Variants in MAP3K5 observed in about 807,000 individuals in gnomAD.
MAP3K5 encodes the protein mitogen-activated protein kinase kinase kinase 5.
MAP3K5 carries 56 observed loss-of-function variants against 158.7 expected under a neutral mutation model. That is an observed-to-expected ratio of 0.35 (90% CI 0.28 to 0.44). The LOEUF (loss-of-function observed/expected upper bound fraction) is 0.44, where lower values mean the gene tolerates loss of function less well. Ranked by LOEUF, MAP3K5 falls within the 20% of genes least tolerant of loss-of-function variation. The pLI is 1.00. For missense variants in MAP3K5, 1,294 were observed against 1,674.8 expected (o/e 0.77, Z 3.97); for synonymous variants, 579 against 601.7 (o/e 0.96, Z 0.55).
intron 1 of MAP3K5, among the ~76,000 whole-genome samples, chr6:136,761,678 A>G (rs1783765323): frequency 6.6e-6 from 1 of 152,210 alleles, no homozygotes; most frequent in Non-Finnish European, 1.5e-5. Context: ...GGGCCTTGTG[A>G]GAGGGGCTGC....
intron 1 of MAP3K5, among the ~76,000 whole-genome samples, chr6:136,734,751 T>C (rs1168907021): frequency 6.6e-6 from 1 of 152,204 alleles, no homozygotes; most frequent in Admixed American, 6.5e-5. Flanking sequence ...TTAGTTTTAA[T>C]TAAACCATCA....
At chr6:136,776,564 C>A (rs531951511) in intron 1 of MAP3K5, among the ~76,000 whole-genome samples, 1 of 152,256 alleles carries the variant, frequency 6.6e-6, no homozygotes, top group East Asian at 1.9e-4. Flanking sequence ...GTTTAATCTT[C>A]TTAAAGATTT....
At chr6:136,778,089 T>C (rs906851364) in intron 1 of MAP3K5, among the ~76,000 whole-genome samples, 1 of 152,200 alleles carries the variant, frequency 6.6e-6, no homozygotes, top group Non-Finnish European at 1.5e-5. Context: ...CTTATTTGTT[T>C]CCCTAAGAGT....
chr6:136,772,102 G>A (rs111549688), intron 1 of MAP3K5, among the ~76,000 whole-genome samples: 2 of 143,774 alleles, frequency 1.4e-5, no homozygotes, highest in East Asian at 4.4e-4. Context: ...TAGAAATGGG[G>A]GGGGGGGGTT....
At chr6:136,730,905 T>C (rs1010079820) in intron 1 of MAP3K5, among the ~76,000 whole-genome samples, 3 of 152,116 alleles carry the variant, frequency 2.0e-5, no homozygotes, top group Non-Finnish European at 4.4e-5. Flanking sequence ...TTCATAGCCA[T>C]ACTATTTGTA....
At chr6:136,669,147 TAA>T in intron 8 of MAP3K5, 134 bp downstream of exon 8, 1 of 684,844 alleles carries the variant, frequency 1.5e-6, no homozygotes, top group Admixed American at 2.6e-5. Flanking sequence ...CAAGGAGATA[TAA>T]TAAGTTTCTT....
At chr6:136,744,359 G>A (rs904280878) in intron 1 of MAP3K5, among the ~76,000 whole-genome samples, 4 of 150,754 alleles carry the variant, frequency 2.7e-5, no homozygotes, top group African/African-American at 5.0e-5. Context: ...ATATATACAC[G>A]TGTGTGTACA....
At chr6:136,727,933 GC>G (rs576224598) in intron 1 of MAP3K5, among the ~76,000 whole-genome samples, 13 of 150,468 alleles carry the variant, frequency 8.6e-5, no homozygotes, top group Non-Finnish European at 1.8e-4. Context: ...TTGCACTCCA[GC>G]CTGGGCGACA....
chr6:136,663,241 C>T (rs59560822), intron 8 of MAP3K5, among the ~76,000 whole-genome samples: 16,598 of 152,180 alleles, frequency 0.11, 1,138 homozygotes, highest in East Asian at 0.22. Context: ...TTTAATTTTC[C>T]ATCATGAAGA....
chr6:136,558,938 C>A, intron 28 of MAP3K5, 62 bp from the exon 29 acceptor site: 1 of 828,536 alleles, frequency 1.2e-6, no homozygotes. Context: ...AGCACAAACT[C>A]TATTCATAAT....
At chr6:136,595,766 C>A (rs1775599687) in intron 21 of MAP3K5, among the ~76,000 whole-genome samples, 1 of 152,170 alleles carries the variant, frequency 6.6e-6, no homozygotes, top group Admixed American at 6.5e-5. Context: ...GCTGTAATCC[C>A]AGCACTTTGG....
intron 7 of MAP3K5, among the ~76,000 whole-genome samples, chr6:136,682,810 A>G (rs1427665842): frequency 6.6e-5 from 10 of 152,338 alleles, no homozygotes; most frequent in Admixed American, 2.6e-4. Context: ...TCAGGCAAGT[A>G]CTGCCTATCC....
intron 1 of MAP3K5, among the ~76,000 whole-genome samples, chr6:136,753,063 C>T (rs746634379): frequency 5.3e-5 from 8 of 151,564 alleles, no homozygotes; most frequent in African/African-American, 9.7e-5. Context: ...CCAACACTTT[C>T]TCTTTCCTTC....
chr6:136,631,972 A>G (rs1777379648), intron 14 of MAP3K5, among the ~76,000 whole-genome samples: 1 of 152,176 alleles, frequency 6.6e-6, no homozygotes, highest in Non-Finnish European at 1.5e-5. Flanking sequence ...CAAGAAGGGG[A>G]GTTGAGAAAT....
rs1785114800 is a variant in MAP3K5, at chr6:136,792,248, G to C, written c.-91C>G. ...GCTCGGGGCTGCTCCGCGCCCGCCG[G>C]GCTAAGCAGCTGCCATCGCGCGCCG... On this transcript the variant is annotated 5_prime_UTR_variant, in exon 1 of 30. Coordinates refer to ENST00000359015, the MANE Select transcript of MAP3K5 (RefSeq NM_005923.4). This position sits in a 1 kb window ranked among gnomAD's most constrained non-coding sequence, Gnocchi z 5.7. 7.8e-7 allele frequency: 1 copy of C among 1,283,380 alleles called. No homozygotes were observed. Among genetic ancestry groups the C allele is most frequent in the African/African-American group, 1.6e-5 (1 of 64,074 alleles). 79.5% of individuals were successfully genotyped at this position (1,283,380 alleles called of 1,614,324 possible).
intron 1 of MAP3K5, among the ~76,000 whole-genome samples, chr6:136,756,006 G>A (rs1783462461): frequency 6.6e-6 from 1 of 152,118 alleles, no homozygotes. Flanking sequence ...AAGTAGAAAT[G>A]GAGCTAAGGA....
chr6:136,763,848 C>T (rs1378850176), intron 1 of MAP3K5, among the ~76,000 whole-genome samples: 1 of 152,066 alleles, frequency 6.6e-6, no homozygotes, highest in Non-Finnish European at 1.5e-5. Flanking sequence ...CAGGTTATCG[C>T]AGGAGTGGGA....
intron 2 of MAP3K5, among the ~76,000 whole-genome samples, chr6:136,710,947 C>A (rs1781281081): frequency 6.6e-6 from 1 of 152,088 alleles, no homozygotes; most frequent in Admixed American, 6.5e-5. Flanking sequence ...GTCAAAAAAG[C>A]AAAACAAGAA....
At chr6:136,750,108 C>T (rs1216814576) in intron 1 of MAP3K5, among the ~76,000 whole-genome samples, 5 of 152,140 alleles carry the variant, frequency 3.3e-5, no homozygotes, top group African/African-American at 9.7e-5. Context: ...GATGGAGTCT[C>T]GTTCTGTCAC....
Sources: gnomAD v4.1 joint callset for allele counts (sites outside exome capture counted in the v4.1 genomes callset) on GRCh38, gnomAD v4.1.1 for gene constraint, Gnocchi (gnomAD v3.1) non-coding constraint, MANE v1.5 for transcripts, NCBI Gene and HGNC (gene_info 2026-07-23, HGNC 2026-07-21) for gene names.